The following KLHL5 variants were observed in gnomAD, a reference collection of about 807,000 sequenced individuals.
The protein encoded by KLHL5 is kelch like family member 5, also known as kelch-like protein 5.
In KLHL5, 48 loss-of-function variants were observed where a neutral mutation model predicts 77.7. The observed-to-expected ratio is 0.62, with a 90% CI of 0.49 to 0.79. The LOEUF is 0.79. KLHL5 is among the 30% of genes least tolerant of loss of function. The pLI, the probability that KLHL5 is intolerant of heterozygous loss-of-function variation, is 0.00. For missense variants in KLHL5, 723 were observed against 859.7 expected (o/e 0.84, Z 1.99); for synonymous variants, 260 against 297.0 (o/e 0.88, Z 1.28).
At chr4:39,142,266 G>A in the KLHL5 span, among the ~76,000 whole-genome samples, 2 of 151,904 alleles carry the variant, frequency 1.3e-5, no homozygotes, top group Admixed American at 6.6e-5. Flanking sequence ...GTGGTGGCGG[G>A]CGCCTGTAAT....
intron 1 of KLHL5, among the ~76,000 whole-genome samples, chr4:39,050,511 A>G (rs997160085): frequency 8.6e-5 from 13 of 152,014 alleles, no homozygotes; most frequent in African/African-American, 3.1e-4. Context: ...CTTTTTCTCT[A>G]TTGATTAATT....
rs1719678992 is a variant in KLHL5 at position 39,082,167 on chromosome 4, T to C, written c.900+8T>C. The C allele has an allele frequency of 6.4e-7, 1 of 1,566,750 alleles. No individual in the cohort carries two copies. Among genetic ancestry groups the C allele is most frequent in the Non-Finnish European group, 8.6e-7 (1 of 1,156,410 alleles). On this transcript the variant is annotated splice_region_variant and intron_variant, in intron 4 of 10. Coordinates refer to ENST00000504108, the MANE Select transcript of KLHL5 (RefSeq NM_015990.5). ...GCTCACAATTATACTATGGTATGTATTTTTTGAAGGTGAGAAAGTCGATCC... is the reference window on the plus strand; with the variant it reads ...GCTCACAATTATACTATGGTATGTACTTTTTGAAGGTGAGAAAGTCGATCC...
At chr4:39,082,196 A>G in intron 4 of KLHL5, 37 bp downstream of exon 4, 2 of 1,468,590 alleles carry the variant, frequency 1.4e-6, no homozygotes, top group Non-Finnish European at 1.8e-6. Flanking sequence ...TCGATCCTCC[A>G]TATGCATATT....
In KLHL5 at chr4:39,081,334, CAGTT is replaced by C. The variant is rs1352951814; in HGVS notation, c.703+100_703+103del. The stretch of plus-strand genomic sequence containing the variant: ...TTTTTAGAAAGCATGCCATAGCTAA[CAGTT>C]AGTTCTGCTATTGTCATTACTACCC... On this transcript the variant is annotated intron_variant, in intron 3 of 10. Coordinates refer to ENST00000504108, the MANE Select transcript of KLHL5 (RefSeq NM_015990.5). This position sits in a 1 kb window ranked among gnomAD's most constrained non-coding sequence, Gnocchi z 4.3. 4.7e-6 allele frequency: 5 copies of C among 1,056,690 alleles called. No homozygotes were observed. Among genetic ancestry groups the C allele is most frequent in the South Asian group, 3.9e-5 (2 of 51,134 alleles). 65.5% of individuals were successfully genotyped at this position (1,056,690 alleles called of 1,614,324 possible). A position where few individuals can be genotyped will look rare whatever the true frequency, so the allele number is the denominator to read the frequency against.
rs748614087 is a variant in KLHL5 at position 39,124,500 on chromosome 4, A to G, written c.*3434A>G. On this transcript the variant is annotated 3_prime_UTR_variant, in exon 11 of 11. Coordinates refer to ENST00000504108, the MANE Select transcript of KLHL5 (RefSeq NM_015990.5). ...ATAGAGTAGAATGGAAAGTCCAGAA[A>G]CAAATTACGCCAATACACTATGGTC... Among the ~76,000 whole-genome samples, 17 of 152,170 alleles carry G rather than the reference A, an allele frequency of 1.1e-4. No individual in the cohort carries two copies. The highest frequency in any genetic ancestry group is 2.6e-4 in the Admixed American group (4 of 15,290).
At position 39,076,160 on chromosome 4, in the gene KLHL5, T is replaced by C. The variant is rs754752132; in HGVS notation, c.566+13T>C. On this transcript the variant is annotated intron_variant, in intron 2 of 10. Transcript: ENST00000504108. The stretch of plus-strand genomic sequence containing the variant: ...TTCCAGCTCACAGGTAGTTGTTTTC[T>C]ATATTTCTGTATGTGTGAAATATTT... The C allele has an allele frequency of 2.5e-6, 4 of 1,587,522 alleles. No individual in the cohort carries two copies. Among genetic ancestry groups the C allele is most frequent in the Admixed American group, 1.9e-5 (1 of 51,664 alleles).
chr4:39,062,993 G>GC lies in KLHL5; in HGVS notation c.342dup (p.Thr115HisfsTer2), dbSNP rs1560408451. 1 of 1,613,186 alleles carries GC rather than the reference G, an allele frequency of 6.2e-7. No homozygotes were observed. ...CTGGATAGACCAGAAGTGGATGATG[G>GC]CACTAGTGAAGAAGAAAATGAATCT... is the stretch of plus-strand genomic sequence containing the variant. On this transcript the variant is annotated frameshift_variant, in exon 1 of 11. Coordinates refer to ENST00000504108, the MANE Select transcript of KLHL5 (RefSeq NM_015990.5). LOFTEE classifies it high-confidence loss of function.
At chr4:39,064,669 G>T (rs1717727652) in intron 1 of KLHL5, among the ~76,000 whole-genome samples, 1 of 151,702 alleles carries the variant, frequency 6.6e-6, no homozygotes, top group Admixed American at 6.6e-5. Flanking sequence ...TACAACAAAG[G>T]TAGTTTGCAT....
intron 2 of KLHL5, among the ~76,000 whole-genome samples, chr4:39,079,414 TC>T (rs1248073205): frequency 6.6e-6 from 1 of 152,202 alleles, no homozygotes. Flanking sequence ...TCTGTCTTGT[TC>T]AGTCAGCATC....
chr4:39,090,006 GA>G (rs2109425555), intron 5 of KLHL5, among the ~76,000 whole-genome samples: 1 of 152,234 alleles, frequency 6.6e-6, no homozygotes, highest in African/African-American at 2.4e-5. Context: ...TGTCAGGGTT[GA>G]TTTTTTTTCA....
At chr4:39,050,699 T>C (rs888977851) in intron 1 of KLHL5, among the ~76,000 whole-genome samples, 3 of 152,222 alleles carry the variant, frequency 2.0e-5, no homozygotes, top group Admixed American at 6.5e-5. Flanking sequence ...ATTAGTGTAA[T>C]TGACAACTTT....
At chr4:39,054,379 C>G (rs1383409015) in intron 1 of KLHL5, among the ~76,000 whole-genome samples, 1 of 152,182 alleles carries the variant, frequency 6.6e-6, no homozygotes, top group African/African-American at 2.4e-5. Context: ...GTATCTTCAT[C>G]TATAAGGAGT....
chr4:39,069,523 A>G (rs1372250723), intron 1 of KLHL5, among the ~76,000 whole-genome samples: 2 of 142,466 alleles, frequency 1.4e-5, no homozygotes, highest in African/African-American at 5.3e-5. Flanking sequence ...TACTATTTTT[A>G]TACTTTTTTA....
At chr4:39,093,831 G>C (rs570148039) in intron 5 of KLHL5, among the ~76,000 whole-genome samples, 1 of 152,090 alleles carries the variant, frequency 6.6e-6, no homozygotes, top group African/African-American at 2.4e-5. Context: ...GCCTGAACCT[G>C]GGAGGCAGAG....
rs916188276 is a variant in KLHL5 at position 39,066,526 on chromosome 4, G to A, written c.383+3491G>A. Among the ~76,000 whole-genome samples the A allele has an allele frequency of 2.6e-5, 4 of 151,998 alleles. No homozygotes were observed. In the South Asian group the frequency reaches 6.2e-4, roughly 24 times the overall value. ...CTGACATAAAATTTTTCAACTTTACGATGATGGAAAAGCAACATGCATTCA... is the reference window on the plus strand; with the variant it reads ...CTGACATAAAATTTTTCAACTTTACAATGATGGAAAAGCAACATGCATTCA... On this transcript the variant is annotated intron_variant, in intron 1 of 10. Transcript: ENST00000504108.
intron 1 of KLHL5, among the ~76,000 whole-genome samples, chr4:39,069,568 A>ATATATAT (rs1718279187): frequency 6.9e-5 from 10 of 144,584 alleles, no homozygotes; most frequent in South Asian, 2.2e-4. Context: ...ATATATATAT[A>ATATATAT]AACCATAGAG....
chr4:39,137,130 T>G, the KLHL5 span, among the ~76,000 whole-genome samples: 2 of 152,160 alleles, frequency 1.3e-5, no homozygotes, highest in African/African-American at 4.8e-5. Flanking sequence ...TGTTGTAAAC[T>G]CACGGTTTTC....
chr4:39,059,695 C>G (rs1032253498), upstream of KLHL5, among the ~76,000 whole-genome samples: 1 of 152,104 alleles, frequency 6.6e-6, no homozygotes, highest in Admixed American at 6.5e-5. Flanking sequence ...TTGCAGTGAG[C>G]CGGGATCACG....
chr4:39,117,875 G>A lies in KLHL5; in HGVS notation c.2073+2545G>A, dbSNP rs138453396. Among the ~76,000 whole-genome samples the A allele has an allele frequency of 2.5e-3, 373 of 152,108 alleles. 2 individuals are homozygous for A. Among genetic ancestry groups the A allele is most frequent in the African/African-American group, 8.3e-3 (346 of 41,482 alleles). On this transcript the variant is annotated intron_variant, in intron 10 of 10. Coordinates refer to ENST00000504108, the MANE Select transcript of KLHL5 (RefSeq NM_015990.5). Reference sequence around the variant, plus strand: ...GGATCTTTTGGGGCCAGGAGTTCGAGACCAGCATGGCCGACATGGTGAAAC... The same window carrying A: ...GGATCTTTTGGGGCCAGGAGTTCGAAACCAGCATGGCCGACATGGTGAAAC...
Sources: allele counts gnomAD v4.1 joint callset (sites outside exome capture counted in the v4.1 genomes callset), GRCh38; gene constraint gnomAD v4.1.1; non-coding constraint Gnocchi (gnomAD v3.1); transcripts MANE v1.5; gene names NCBI Gene and HGNC (gene_info 2026-07-23, HGNC 2026-07-21).